The following HTR2C variants were observed in gnomAD, a reference collection of about 807,000 sequenced individuals.
HTR2C encodes 5-hydroxytryptamine (serotonin) receptor 2C, G protein-coupled.
A neutral mutation model predicts 21.0 loss-of-function variants in HTR2C; 5 were observed. The ratio of observed to expected loss-of-function variants is 0.24; its 90% CI spans 0.12 to 0.50. The LOEUF (loss-of-function observed/expected upper bound fraction) is 0.50. HTR2C is among the 20% of genes least tolerant of loss of function. HTR2C has a pLI of 0.98. For missense variants in HTR2C, 271 were observed against 371.2 expected (o/e 0.73, Z 2.22); for synonymous variants, 150 against 145.3 (o/e 1.03, Z -0.23).
At chrX:114,813,406 C>G (rs1166494320) in intron 4 of HTR2C, among the ~76,000 whole-genome samples, 1 of 111,607 alleles carries the variant, frequency 9.0e-6, no homozygotes, top group African/African-American at 3.3e-5. Flanking sequence ...ATTGGAGTAC[C>G]TGGAGAGTCC....
intron 2 of HTR2C, among the ~76,000 whole-genome samples, chrX:114,675,868 C>CTTTTTTTTTTTTT (rs1556412476): frequency 1.1e-4 from 10 of 94,315 alleles, no homozygotes; most frequent in East Asian, 3.4e-4. Context: ...TTTCTTTTTT[C>CTTTTTTTTTTTTT]TTTTTTCTTT....
intron 5 of HTR2C, among the ~76,000 whole-genome samples, chrX:114,900,071 A>G (rs2071326216): frequency 9.0e-6 from 1 of 111,028 alleles, no homozygotes; most frequent in Non-Finnish European, 1.9e-5. Context: ...TCTTGCATTA[A>G]GCTTTATTTT....
intron 4 of HTR2C, chrX:114,776,184 A>C (rs1221674681): frequency 1.8e-6 from 1 of 551,944 alleles, no homozygotes; most frequent in Non-Finnish European, 3.3e-6. Flanking sequence ...CTCAGGTCAA[A>C]GATAAACACA....
chrX:114,782,740 T>G (rs1203722126), intron 4 of HTR2C, among the ~76,000 whole-genome samples: 1 of 110,733 alleles, frequency 9.0e-6, no homozygotes, highest in African/African-American at 3.3e-5. Context: ...GTCAAAATAG[T>G]GTCGTAAGTG....
chrX:114,831,473 T>C (rs1374640980), intron 4 of HTR2C, among the ~76,000 whole-genome samples: 3 of 95,737 alleles, frequency 3.1e-5, no homozygotes, highest in Non-Finnish European at 6.3e-5. Context: ...TTTTCATGTG[T>C]TTTTTGGCTG....
chrX:114,810,278 CCAGCTGAT>C (rs1487382789), intron 4 of HTR2C, among the ~76,000 whole-genome samples: 1 of 111,292 alleles, frequency 9.0e-6, no homozygotes, highest in African/African-American at 3.3e-5. Context: ...CTTGGCCACG[CCAGCTGAT>C]ATCTCACTAG....
chrX:114,697,233 TTTGA>T (rs1556416000), intron 2 of HTR2C, among the ~76,000 whole-genome samples: 2 of 112,269 alleles, frequency 1.8e-5, no homozygotes, highest in African/African-American at 6.5e-5. Context: ...CCATCAGTGT[TTTGA>T]TTGATTGTGT....
At chrX:114,609,203 A>T (rs1327200517) in intron 1 of HTR2C, among the ~76,000 whole-genome samples, 1 of 110,840 alleles carries the variant, frequency 9.0e-6, no homozygotes, top group Non-Finnish European at 1.9e-5. Context: ...TTTCTACATA[A>T]AATCTGATTT....
chrX:114,584,256 C>A lies in HTR2C; in HGVS notation c.-550C>A, dbSNP rs1213877315. The A allele has an allele frequency of 1.8e-5, 2 of 112,998 alleles. No homozygotes were observed. Among genetic ancestry groups the A allele is most frequent in the African/African-American group, 6.4e-5 (2 of 31,032 alleles). The allele number at this position is 112,998 out of a possible 1,213,427, so 9.3% of individuals were successfully genotyped here. ...TCTTCTTCTGTCTGTACATCGTTGT[C>A]GTCGGAGTCGTCGCGATCGTCGTGG... On this transcript the variant is annotated 5_prime_UTR_variant, in exon 1 of 6. It introduces an in-frame stop codon into an upstream open reading frame of the 5' UTR. Coordinates refer to ENST00000276198, the MANE Select transcript of HTR2C (RefSeq NM_000868.4).
intron 2 of HTR2C, among the ~76,000 whole-genome samples, chrX:114,621,935 A>G (rs143103315): frequency 2.5e-4 from 28 of 111,875 alleles, no homozygotes; most frequent in Middle Eastern, 4.6e-3. Flanking sequence ...ACTTCAAGTC[A>G]AGAGAGAACT....
intron 1 of HTR2C, among the ~76,000 whole-genome samples, chrX:114,591,581 C>G (rs1275202138): frequency 2.7e-5 from 3 of 111,717 alleles, no homozygotes; most frequent in Non-Finnish European, 5.6e-5. Context: ...TTTCCTGCTT[C>G]TACTACCAAA....
chrX:114,639,073 G>A (rs1929984186), intron 2 of HTR2C, among the ~76,000 whole-genome samples: 2 of 111,023 alleles, frequency 1.8e-5, no homozygotes, highest in Admixed American at 1.9e-4. Flanking sequence ...AATATTTCTG[G>A]TTTTACTTTT....
intron 4 of HTR2C, among the ~76,000 whole-genome samples, chrX:114,744,905 C>A (rs2069687635): frequency 8.9e-6 from 1 of 112,070 alleles, no homozygotes; most frequent in Non-Finnish European, 1.9e-5. Context: ...TTATTTCTAT[C>A]AATTCAACAA....
At chrX:114,878,869 G>C (rs1478250710) in intron 5 of HTR2C, among the ~76,000 whole-genome samples, 2 of 40,263 alleles carry the variant, frequency 5.0e-5, no homozygotes, top group Non-Finnish European at 1.3e-4. Flanking sequence ...ATCCCTTTTA[G>C]AACATAATTT....
intron 2 of HTR2C, among the ~76,000 whole-genome samples, chrX:114,721,730 A>G (rs1933224654): frequency 9.1e-6 from 1 of 110,263 alleles, no homozygotes; most frequent in South Asian, 3.9e-4. Context: ...TCAGCTTTCT[A>G]CATATGGCTA....
chrX:114,846,004 T>C (rs1380453653), intron 4 of HTR2C, among the ~76,000 whole-genome samples: 1 of 109,858 alleles, frequency 9.1e-6, no homozygotes, highest in Non-Finnish European at 1.9e-5. Flanking sequence ...CAGAGCAAGA[T>C]CCTATCTCAA....
chrX:114,878,728 C>T (rs2071157957), intron 5 of HTR2C, among the ~76,000 whole-genome samples: 1 of 110,811 alleles, frequency 9.0e-6, no homozygotes, highest in African/African-American at 3.3e-5. Context: ...CTTTAAATAT[C>T]TAAACCAAAG....
At chrX:114,670,394 CAAAAA>C (rs35858180) in intron 2 of HTR2C, among the ~76,000 whole-genome samples, 18 of 63,513 alleles carry the variant, frequency 2.8e-4, no homozygotes, top group African/African-American at 6.7e-4. Context: ...TACTCTGTCT[CAAAAA>C]AAAAAAAAAA....
At chrX:114,805,863 T>TATATAC (rs1569495630) in intron 4 of HTR2C, among the ~76,000 whole-genome samples, 40 of 92,205 alleles carry the variant, frequency 4.3e-4, no homozygotes, top group African/African-American at 1.4e-3. Context: ...ACCATATATA[T>TATATAC]ACCATATATA....
Sources: allele counts gnomAD v4.1 joint callset (sites outside exome capture counted in the v4.1 genomes callset), GRCh38; gene constraint gnomAD v4.1.1; transcripts MANE v1.5; gene names NCBI Gene and HGNC (gene_info 2026-07-23, HGNC 2026-07-21).